Variants in SOD2 observed in about 807,000 individuals in gnomAD.
The protein encoded by SOD2 is superoxide dismutase [Mn], mitochondrial.
A neutral mutation model predicts 27.0 loss-of-function variants in SOD2; 11 were observed. That is an observed-to-expected ratio of 0.41 (90% confidence interval 0.26 to 0.67). SOD2 has a LOEUF of 0.67. Ranked by LOEUF, SOD2 falls within the 30% of genes least tolerant of loss-of-function variation. SOD2 has a pLI of 0.34. For synonymous variants in SOD2, 105 were observed against 103.0 expected, an observed-to-expected ratio of 1.02 and a Z score of -0.12; for missense variants, 250 against 274.5, an observed-to-expected ratio of 0.91 and a Z score of 0.63.
intron 2 of SOD2, chr6:159,691,505 G>C (rs1777187600): frequency 6.6e-6 from 1 of 152,072 alleles, no homozygotes; most frequent in African/African-American, 2.4e-5. Flanking sequence ...AAACATTTAA[G>C]GAAAAGTAAA....
intron 1 of SOD2, among the ~76,000 whole-genome samples, chr6:159,719,463 G>A (rs955278049): frequency 3.3e-5 from 5 of 151,904 alleles, no homozygotes; most frequent in African/African-American, 1.2e-4. Flanking sequence ...AGGAGGCGGA[G>A]GTTGCAGTGA....
At chr6:159,698,574 A>G (rs9457710) in intron 1 of SOD2, among the ~76,000 whole-genome samples, 565 of 15,396 alleles carry the variant, frequency 0.037, 10 homozygotes, top group Middle Eastern at 0.077. Flanking sequence ...CTTGTCTCAA[A>G]AAAAAAAAAA....
At chr6:159,684,155 GT>G (rs1358178090) in intron 4 of SOD2, among the ~76,000 whole-genome samples, 1 of 152,148 alleles carries the variant, frequency 6.6e-6, no homozygotes, top group Non-Finnish European at 1.5e-5. Flanking sequence ...TCTAGTCCCA[GT>G]TTAACCTCAA....
At chr6:159,759,820 C>T (rs1780086627) in intron 1 of SOD2, among the ~76,000 whole-genome samples, 1 of 152,204 alleles carries the variant, frequency 6.6e-6, no homozygotes, top group African/African-American at 2.4e-5. Flanking sequence ...ATGCAATTAC[C>T]TTCTCAAGAT....
At chr6:159,753,847 G>A (rs1453015800) in intron 1 of SOD2, among the ~76,000 whole-genome samples, 1 of 152,084 alleles carries the variant, frequency 6.6e-6, no homozygotes, top group Admixed American at 6.5e-5. Context: ...TTACATTTTT[G>A]TTTTTAGTTG....
intron 1 of SOD2, among the ~76,000 whole-genome samples, chr6:159,701,338 T>C (rs949511045): frequency 8.5e-5 from 13 of 152,148 alleles, no homozygotes; most frequent in African/African-American, 2.9e-4. Flanking sequence ...TTTTGGATAG[T>C]GAATTGAGCC....
At position 159,679,643 on chromosome 6, in the gene SOD2, T is replaced by A. The variant is rs1367123192; in HGVS notation, c.*2850A>T. 1.3e-5 allele frequency: 2 copies of A among 152,236 alleles called. No individual in the cohort carries two copies. Among genetic ancestry groups the A allele is most frequent in the East Asian group, 1.9e-4 (1 of 5,202 alleles). 9.4% of individuals were successfully genotyped at this position (152,236 alleles called of 1,614,324 possible). A position where few individuals can be genotyped will look rare whatever the true frequency, so the allele number is the denominator to read the frequency against. On this transcript the variant is annotated 3_prime_UTR_variant, in exon 5 of 5. Coordinates refer to ENST00000538183, the MANE Select transcript of SOD2 (RefSeq NM_000636.4). ...TTGCTTCCTTGTTTTGCTCCAACAC[T>A]AATCATGCTGAGGTTTTTGAAGCAC...
At chr6:159,688,266 AT>A (rs745386965) in intron 2 of SOD2, 24 bp from the exon 3 acceptor site, 7 of 1,420,020 alleles carry the variant, frequency 4.9e-6, no homozygotes, top group South Asian at 1.1e-5. Context: ...ATGCAAACAC[AT>A]TTTTTTGTAA....
intron 1 of SOD2, chr6:159,725,766 A>T (rs1012980381): frequency 2.0e-5 from 3 of 151,694 alleles, no homozygotes; most frequent in African/African-American, 7.3e-5. Flanking sequence ...ATTAAATATA[A>T]ATATATATTT....
chr6:159,738,232 A>T (rs1196377741), intron 1 of SOD2, among the ~76,000 whole-genome samples: 1 of 152,224 alleles, frequency 6.6e-6, no homozygotes, highest in Non-Finnish European at 1.5e-5. Flanking sequence ...TTATAGCCAC[A>T]TCTACCCCGT....
At chr6:159,712,453 ACCTCCATAACCACCTCCATAACCACCAC>A (rs1777831382) in intron 1 of SOD2, among the ~76,000 whole-genome samples, 3 of 45,628 alleles carry the variant, frequency 6.6e-5, no homozygotes, top group Admixed American at 5.9e-4. Flanking sequence ...CACTGCTCAG[ACCTCCATAACCACCTCCATAACCACCAC>A]TCAGCTGCTC....
In SOD2 at chr6:159,669,905, T is replaced by A. The variant is rs1401796600; in HGVS notation, c.*12588A>T. On this transcript the variant is annotated 3_prime_UTR_variant, in exon 5 of 5. Coordinates refer to ENST00000538183, the MANE Select transcript of SOD2 (RefSeq NM_000636.4). ...TGATGGTGGTTTTTAATCCATTCAG[T>A]CAATCTATATCTTTTAAGTGGGAGA... 1 of 152,198 alleles carries A rather than the reference T, an allele frequency of 6.6e-6. No individual in the cohort carries two copies. The highest frequency in any genetic ancestry group is 6.5e-5 in the Admixed American group (1 of 15,272). 9.4% of individuals were successfully genotyped at this position (152,198 alleles called of 1,614,324 possible).
At chr6:159,710,311 G>T (rs1415998155) in intron 1 of SOD2, among the ~76,000 whole-genome samples, 1 of 148,322 alleles carries the variant, frequency 6.7e-6, no homozygotes, top group Non-Finnish European at 1.5e-5. Context: ...TTAGCTGGGC[G>T]TGGTGGCACG....
chr6:159,737,371 A>G (rs938884010), intron 1 of SOD2, among the ~76,000 whole-genome samples: 4 of 152,200 alleles, frequency 2.6e-5, no homozygotes, highest in Admixed American at 6.5e-5. Context: ...TTACATTATA[A>G]TAGTTCCCTC....
Position 159,672,851 on chromosome 6 carries a change from T to G in SOD2, c.*9642A>C, listed in dbSNP as rs1779698153. 4 of 151,550 alleles carry G rather than the reference T, an allele frequency of 2.6e-5. No homozygotes were observed. 9.4% of individuals were successfully genotyped at this position (151,550 alleles called of 1,614,324 possible). On this transcript the variant is annotated 3_prime_UTR_variant, in exon 5 of 5. Transcript: ENST00000538183. Reference sequence around the variant, plus strand: ...GGGTGCTGTATTCAGGAAACCCATCTCACGTACAGAGACACACACACATAG... The same window carrying G: ...GGGTGCTGTATTCAGGAAACCCATCGCACGTACAGAGACACACACACATAG...
At chr6:159,744,624 T>C (rs1046427717) in intron 1 of SOD2, among the ~76,000 whole-genome samples, 2 of 152,250 alleles carry the variant, frequency 1.3e-5, no homozygotes, top group African/African-American at 4.8e-5. Context: ...CAAAAGCACG[T>C]ATTTACTCTT....
rs1042652277 is a variant in SOD2, at chr6:159,675,565, A to T, written c.*6928T>A. ...GCCACATGTAGAAAGCTGAAACTGG[A>T]TCCCTTCCTTACACCTTATACAAAA... On this transcript the variant is annotated 3_prime_UTR_variant, in exon 5 of 5. Transcript: ENST00000538183. The T allele has an allele frequency of 1.3e-5, 2 of 152,218 alleles. No individual in the cohort carries two copies. Among genetic ancestry groups the T allele is most frequent in the African/African-American group, 4.8e-5 (2 of 41,458 alleles). 9.4% of individuals were successfully genotyped at this position (152,218 alleles called of 1,614,324 possible).
At chr6:159,705,572 A>G (rs1174470492) in intron 1 of SOD2, among the ~76,000 whole-genome samples, 1 of 152,200 alleles carries the variant, frequency 6.6e-6, no homozygotes, top group Non-Finnish European at 1.5e-5. Context: ...GTTAAGAGAA[A>G]AAAGAGTAAA....
upstream of SOD2, chr6:159,727,602 C>T: frequency 1.0e-6 from 1 of 986,480 alleles, no homozygotes; most frequent in Non-Finnish European, 1.2e-6. Flanking sequence ...GGCGGCAGAG[C>T]TGTCCGGCTG....
Sources: allele counts gnomAD v4.1 joint callset (sites outside exome capture counted in the v4.1 genomes callset), GRCh38; gene constraint gnomAD v4.1.1; transcripts MANE v1.5; gene names NCBI Gene and HGNC (gene_info 2026-07-23, HGNC 2026-07-21).